ETFBKMT: variants seen among roughly 807,000 people sequenced by gnomAD.
ETFBKMT encodes the protein electron transfer flavoprotein subunit beta lysine methyltransferase.
ETFBKMT carries 13 observed loss-of-function variants against 18.3 expected under a neutral mutation model. That is an observed-to-expected ratio of 0.71 (90% CI 0.46 to 1.13). The LOEUF is 1.13. Ranked by LOEUF, ETFBKMT falls within the 50% of genes most tolerant of loss-of-function variation. ETFBKMT has a pLI of 0.00. For missense variants in ETFBKMT, 293 were observed against 306.2 expected (o/e 0.96, Z 0.32); for synonymous variants, 84 against 107.9 (o/e 0.78, Z 1.37).
chr12:31,651,307 C>CTTTT (rs71062448), intron 1 of ETFBKMT, among the ~76,000 whole-genome samples: 11 of 144,618 alleles, frequency 7.6e-5, no homozygotes, highest in Non-Finnish European at 7.5e-5. Flanking sequence ...GATGCCTTCC[C>CTTTT]TTTTTTTTTT....
upstream of ETFBKMT, among the ~76,000 whole-genome samples, chr12:31,656,903 G>T (rs1162712043): frequency 6.6e-6 from 1 of 152,162 alleles, no homozygotes; most frequent in African/African-American, 2.4e-5. Flanking sequence ...CTATCTCTGT[G>T]TTTCTAATAA....
In ETFBKMT at chr12:31,666,223, G is replaced by C; in HGVS notation, c.445+6G>C. 1 of 1,598,490 alleles carries C rather than the reference G, an allele frequency of 6.3e-7. No homozygotes were observed. The highest frequency in any genetic ancestry group is 1.8e-5 in the Admixed American group (1 of 54,920). ...GGCCAATGACATAGACCCTAGTAAG[G>C]ATTCATATTTTAAAATATTTAAGGC... On this transcript the variant is annotated splice_donor_region_variant and intron_variant, in intron 3 of 3. Coordinates refer to ENST00000357721, the MANE Select transcript of ETFBKMT (RefSeq NM_001135863.2).
chr12:31,671,680 T>C lies in ETFBKMT; in HGVS notation c.*3690T>C, dbSNP rs1391699327. 1 of 152,096 alleles carries C rather than the reference T, an allele frequency of 6.6e-6. No individual in the cohort carries two copies. The highest frequency in any genetic ancestry group is 1.5e-5 in the Non-Finnish European group (1 of 68,022). 9.4% of individuals were successfully genotyped at this position (152,096 alleles called of 1,614,324 possible). On this transcript the variant is annotated 3_prime_UTR_variant, in exon 4 of 4. Coordinates refer to ENST00000357721, the MANE Select transcript of ETFBKMT (RefSeq NM_001135863.2). ...ATGCATAAAATGTAACTGGGAAGAG[T>C]AGCCATAAAAATCAATGAATGGATG...
At chr12:31,652,084 T>C (rs1951022608) in intron 1 of ETFBKMT, among the ~76,000 whole-genome samples, 1 of 152,136 alleles carries the variant, frequency 6.6e-6, no homozygotes, top group South Asian at 2.1e-4. Context: ...TAACCAGGCT[T>C]CCCCTGCGCA....
intron 1 of ETFBKMT, among the ~76,000 whole-genome samples, chr12:31,661,613 C>G (rs1324729767): frequency 1.3e-5 from 2 of 152,104 alleles, no homozygotes; most frequent in Non-Finnish European, 2.9e-5. Context: ...GTACCCGCCA[C>G]CACGCCTGGC....
intron 1 of ETFBKMT, among the ~76,000 whole-genome samples, chr12:31,652,035 A>C (rs1486897270): frequency 2.0e-5 from 3 of 152,116 alleles, no homozygotes; most frequent in African/African-American, 7.2e-5. Context: ...GGTGTTGATC[A>C]ACTAGAAAGT....
chr12:31,657,531 C>T (rs1242812444), upstream of ETFBKMT, among the ~76,000 whole-genome samples: 1 of 152,114 alleles, frequency 6.6e-6, no homozygotes, highest in Non-Finnish European at 1.5e-5. Context: ...CAGTGGCTCA[C>T]ACCTGTAATC....
chr12:31,663,294 T>C (rs141177398), intron 2 of ETFBKMT, among the ~76,000 whole-genome samples: 2,930 of 152,258 alleles, frequency 0.019, 43 homozygotes, highest in Middle Eastern at 0.034. Context: ...GGTTTCACCA[T>C]GTTGATCAGG....
upstream of ETFBKMT, among the ~76,000 whole-genome samples, chr12:31,657,568 C>T (rs1433587875): frequency 1.3e-5 from 2 of 151,872 alleles, no homozygotes; most frequent in Admixed American, 6.6e-5. Context: ...CCGAGGTGGG[C>T]GGATCACGAG....
intron 1 of ETFBKMT, among the ~76,000 whole-genome samples, chr12:31,648,360 GTTTTTTTTT>G (rs35137084): frequency 1.7e-5 from 2 of 117,848 alleles, no homozygotes; most frequent in African/African-American, 6.0e-5. Context: ...GATGTAAATA[GTTTTTTTTT>G]TTTTTTTTTT....
chr12:31,655,413 C>T (rs10843992), upstream of ETFBKMT, among the ~76,000 whole-genome samples: 132,704 of 152,124 alleles, frequency 0.87, 58,588 homozygotes, highest in Non-Finnish European at 0.95. Flanking sequence ...ATAATAAATC[C>T]TCCCATAAAC....
chr12:31,648,104 G>C (rs896453620), intron 1 of ETFBKMT, among the ~76,000 whole-genome samples: 2 of 152,160 alleles, frequency 1.3e-5, no homozygotes, highest in African/African-American at 2.4e-5. Context: ...TAGCCAGAAA[G>C]TGGAAACCAC....
At chr12:31,658,058 C>T (rs1951077317), upstream of ETFBKMT, among the ~76,000 whole-genome samples, 1 of 152,154 alleles carries the variant, frequency 6.6e-6, no homozygotes, top group African/African-American at 2.4e-5. Flanking sequence ...CAGGAACCAA[C>T]CCTCTTTTGT....
At chr12:31,665,437 AC>A (rs1218239975) in intron 2 of ETFBKMT, among the ~76,000 whole-genome samples, 2 of 151,558 alleles carry the variant, frequency 1.3e-5, no homozygotes, top group Non-Finnish European at 3.0e-5. Context: ...GCTACTTTTC[AC>A]TATTTCTTTT....
chr12:31,666,264 C>A, intron 3 of ETFBKMT, 47 bp downstream of exon 3: 1 of 1,535,298 alleles, frequency 6.5e-7, no homozygotes, highest in Non-Finnish European at 8.8e-7. Flanking sequence ...TTTTTTTTTT[C>A]TCTGGGATAA....
At position 31,662,266 on chromosome 12, in the gene ETFBKMT, A is replaced by C; in HGVS notation, c.313A>C (p.Arg105=). ...IYWPGGQALS[R]YLLDNPDVVR... ...CTGGCCAGGAGGCCAAGCCCTGTCT[A>C]GGTACTACCCTAATGAAACCTTTAA... The change falls in exon 2 of 4, where the codon AGG becomes CGG. Residue 105 remains arginine (R), a splice_region_variant and synonymous_variant. Transcript: ENST00000357721. 6.2e-7 allele frequency: 1 copy of C among 1,613,794 alleles called. No homozygotes were observed. Among genetic ancestry groups the C allele is most frequent in the South Asian group, 1.1e-5 (1 of 91,078 alleles).
chr12:31,664,330 A>G (rs1281627665), intron 2 of ETFBKMT, among the ~76,000 whole-genome samples: 1 of 151,950 alleles, frequency 6.6e-6, no homozygotes, highest in Non-Finnish European at 1.5e-5. Context: ...CAGGAAAATC[A>G]CTCTATGATG....
At chr12:31,663,689 G>A (rs900610) in intron 2 of ETFBKMT, among the ~76,000 whole-genome samples, 40,748 of 152,132 alleles carry the variant, frequency 0.27, 5,599 homozygotes, top group Admixed American at 0.29. Flanking sequence ...ATCAGCAACG[G>A]ATCAGGCTGA....
intron 1 of ETFBKMT, among the ~76,000 whole-genome samples, chr12:31,653,422 G>A (rs200325771): frequency 1.5e-5 from 2 of 136,674 alleles, no homozygotes; most frequent in Admixed American, 8.5e-5. Flanking sequence ...GAGGATTCTA[G>A]TGTCAGTTGT....
Sources: gnomAD v4.1 joint callset for allele counts (sites outside exome capture counted in the v4.1 genomes callset) on GRCh38, gnomAD v4.1.1 for gene constraint, MANE v1.5 for transcripts, NCBI Gene and HGNC (gene_info 2026-07-23, HGNC 2026-07-21) for gene names.